Variants in CEP85 observed in about 807,000 individuals in gnomAD.
CEP85 encodes centrosomal protein of 85 kDa.
CEP85 carries 58 observed loss-of-function variants against 93.7 expected under a neutral mutation model. That is an observed-to-expected ratio of 0.62 (90% CI 0.50 to 0.77). The LOEUF (loss-of-function observed/expected upper bound fraction) is 0.77. Among genes scored for constraint, CEP85 ranks in the 30% least tolerant of loss-of-function variants. The probability of loss-of-function intolerance (pLI) is 0.00; values close to 1 mark genes in which losing one functional copy is unlikely to be tolerated. For missense variants in CEP85, 868 were observed against 922.0 expected, an observed-to-expected ratio of 0.94 and a Z score of 0.76; for synonymous variants, 314 against 338.6, an observed-to-expected ratio of 0.93 and a Z score of 0.80.
At chr1:26,234,551 C>T (rs76204741) in intron 1 of CEP85, among the ~76,000 whole-genome samples, 1 of 152,264 alleles carries the variant, frequency 6.6e-6, no homozygotes, top group Non-Finnish European at 1.5e-5. Context: ...GTCACTTTAC[C>T]TGCGTGCCAG....
At chr1:26,258,590 A>T (rs1337311284) in intron 6 of CEP85, among the ~76,000 whole-genome samples, 1 of 147,574 alleles carries the variant, frequency 6.8e-6, no homozygotes, top group African/African-American at 2.5e-5. Flanking sequence ...GTAATGCAGG[A>T]TTTAGAGCTA....
intron 3 of CEP85, among the ~76,000 whole-genome samples, chr1:26,250,019 T>C (rs1342171990): frequency 6.6e-6 from 1 of 152,222 alleles, no homozygotes; most frequent in East Asian, 1.9e-4. Context: ...TAGCTGGGCC[T>C]ACAGAGATGC....
chr1:26,258,609 CTTT>C (rs759886417), intron 6 of CEP85, among the ~76,000 whole-genome samples: 1 of 140,138 alleles, frequency 7.1e-6, no homozygotes. Flanking sequence ...TATTCTCTCT[CTTT>C]TTTTTTTTTT....
At chr1:26,235,799 C>T (rs2089317847) in intron 1 of CEP85, among the ~76,000 whole-genome samples, 2 of 152,066 alleles carry the variant, frequency 1.3e-5, no homozygotes, top group Non-Finnish European at 1.5e-5. Context: ...CTCAAACTCC[C>T]GACCTCAGGT....
At chr1:26,260,893 C>A (rs2089797549) in intron 7 of CEP85, among the ~76,000 whole-genome samples, 1 of 151,470 alleles carries the variant, frequency 6.6e-6, no homozygotes, top group South Asian at 2.1e-4. Flanking sequence ...TGGGTTCAAG[C>A]GATTCTCCTG....
chr1:26,273,521 C>G (rs2090008364), intron 11 of CEP85, among the ~76,000 whole-genome samples: 1 of 152,066 alleles, frequency 6.6e-6, no homozygotes, highest in Non-Finnish European at 1.5e-5. Flanking sequence ...TTCCTAGAAC[C>G]CTTGGGGTTC....
At chr1:26,241,392 G>A (rs375816063) in intron 2 of CEP85, among the ~76,000 whole-genome samples, 23 of 151,676 alleles carry the variant, frequency 1.5e-4, no homozygotes, top group East Asian at 9.8e-4. Flanking sequence ...ACAGGTGCCC[G>A]CCACCATGCC....
chr1:26,256,654 A>G (rs1320086671), intron 4 of CEP85, among the ~76,000 whole-genome samples: 1 of 133,280 alleles, frequency 7.5e-6, no homozygotes, highest in East Asian at 2.3e-4. Flanking sequence ...GCTGGAGTGC[A>G]GTGGCGTGTT....
chr1:26,257,997 C>A, intron 5 of CEP85, 146 bp from the exon 6 acceptor site: 1 of 729,142 alleles, frequency 1.4e-6, no homozygotes, highest in Non-Finnish European at 2.4e-6. Context: ...CCCCAGTTAT[C>A]TTTCTCATTT....
At chr1:26,237,520 C>T (rs2089344723) in intron 1 of CEP85, among the ~76,000 whole-genome samples, 1 of 152,204 alleles carries the variant, frequency 6.6e-6, no homozygotes, top group Admixed American at 6.5e-5. Flanking sequence ...TCACATGTAT[C>T]AGTACTTCCT....
intron 7 of CEP85, among the ~76,000 whole-genome samples, chr1:26,266,843 C>T (rs2089901375): frequency 6.6e-6 from 1 of 152,248 alleles, no homozygotes; most frequent in Non-Finnish European, 1.5e-5. Context: ...GCCAGGCCTT[C>T]TGCCGTGTGT....
chr1:26,263,100 ATTC>A (rs1218143647), intron 7 of CEP85: 1 of 176,130 alleles, frequency 5.7e-6, no homozygotes. Flanking sequence ...ATCTCTTCAT[ATTC>A]TTTTAGTTCC....
chr1:26,273,757 C>T (rs1404853948), intron 11 of CEP85, among the ~76,000 whole-genome samples: 1 of 151,880 alleles, frequency 6.6e-6, no homozygotes, highest in Non-Finnish European at 1.5e-5. Context: ...ATTAGCTGGG[C>T]GTGGTGTCAT....
At chr1:26,275,118 A>G (rs1277875936) in intron 12 of CEP85, 47 bp downstream of exon 12, 3 of 1,432,842 alleles carry the variant, frequency 2.1e-6, no homozygotes, top group Non-Finnish European at 2.9e-6. Flanking sequence ...CACAAACCCG[A>G]TTTCTTTGTT....
intron 3 of CEP85, among the ~76,000 whole-genome samples, chr1:26,245,617 A>G (rs2089498025): frequency 6.6e-6 from 1 of 152,192 alleles, no homozygotes; most frequent in African/African-American, 2.4e-5. Flanking sequence ...GGTGAGTTCT[A>G]GAAGGCAGAG....
chr1:26,255,319 T>TTTG lies in CEP85; in HGVS notation c.359_361dup (p.Leu120dup). Reference sequence around the variant, plus strand: ...TTGGACCCTCTTCCTCTAAACTCCCTTTGTCAGGGTTGGCTGAAAGTGTGG... The same window carrying TTTG: ...TTGGACCCTCTTCCTCTAAACTCCCTTTGTTGTCAGGGTTGGCTGAAAGTGTGG... On this transcript the variant is annotated inframe_insertion, in exon 4 of 14. Coordinates refer to ENST00000451429, the MANE Select transcript of CEP85 (RefSeq NM_001319944.2). 6.2e-7 allele frequency: 1 copy of TTTG among 1,614,120 alleles called. No homozygotes were observed. Among genetic ancestry groups the TTTG allele is most frequent in the Non-Finnish European group, 8.5e-7 (1 of 1,180,024 alleles).
intron 12 of CEP85, among the ~76,000 whole-genome samples, chr1:26,275,437 C>T (rs773388771): frequency 6.6e-6 from 1 of 152,066 alleles, no homozygotes; most frequent in African/African-American, 2.4e-5. Context: ...CGCGCCACCA[C>T]GCCCGGCTAA....
chr1:26,274,951 C>G lies in CEP85; in HGVS notation c.1795-13C>G, dbSNP rs2090031550. 1.6e-5 allele frequency: 25 copies of G among 1,553,274 alleles called. No individual in the cohort carries two copies. Among genetic ancestry groups the G allele is most frequent in the Non-Finnish European group, 2.1e-5 (24 of 1,146,860 alleles). On this transcript the variant is annotated splice_polypyrimidine_tract_variant and intron_variant, in intron 11 of 13. Transcript: ENST00000451429. Reference sequence around the variant, plus strand: ...CCTACTGTGTTCCCTCAACATCTTGCTGTGTGATTCAGAGCCTAGAGCAGG... The same window carrying G: ...CCTACTGTGTTCCCTCAACATCTTGGTGTGTGATTCAGAGCCTAGAGCAGG...
Position 26,255,572 on chromosome 1 carries a change from C to T in CEP85, c.610C>T (p.Arg204Ter), listed in dbSNP as rs1257898164. 4.3e-6 allele frequency: 7 copies of T among 1,614,006 alleles called. No individual in the cohort carries two copies. Among genetic ancestry groups the T allele is most frequent in the East Asian group, 4.5e-5 (2 of 44,898 alleles). Residue 204 changes from arginine (R) to a stop codon, truncating the protein, a stop_gained, in exon 4 of 14, where the codon CGA becomes TGA. Transcript: ENST00000451429. LOFTEE classifies it high-confidence loss of function. ...GACACTTTATTCAGATCCTCACCACCGAGTCCGCTTCCACAACCCAAGAAC... is the reference window on the plus strand; with the variant it reads ...GACACTTTATTCAGATCCTCACCACTGAGTCCGCTTCCACAACCCAAGAAC... ...METLYSDPHH[R>*]VRFHNPRTST...
Sources: allele counts gnomAD v4.1 joint callset (sites outside exome capture counted in the v4.1 genomes callset), GRCh38; gene constraint gnomAD v4.1.1; transcripts MANE v1.5; gene names NCBI Gene and HGNC (gene_info 2026-07-23, HGNC 2026-07-21).